Variants in FAT3 observed in about 807,000 individuals in gnomAD.
FAT3 encodes protocadherin Fat 3.
Under a neutral mutation model 310.2 loss-of-function variants are expected in FAT3, and 95 were observed. That is an observed-to-expected ratio of 0.31 (90% CI 0.26 to 0.36). FAT3 has a LOEUF of 0.36. Ranked by LOEUF, FAT3 falls within the 10% of genes least tolerant of loss-of-function variation. The probability of loss-of-function intolerance (pLI) is 1.00; values close to 1 mark genes in which losing one functional copy is unlikely to be tolerated. For synonymous variants in FAT3, 2,314 were observed against 2,192.9 expected (o/e 1.06, Z -1.54); for missense variants, 5,408 against 5,715.6 (o/e 0.95, Z 1.74).
At chr11:92,455,452 G>A in intron 2 of FAT3, among the ~76,000 whole-genome samples, 1 of 152,090 alleles carries the variant, frequency 6.6e-6, no homozygotes, top group Non-Finnish European at 1.5e-5. Context: ...TTAATTCATG[G>A]GCTGATGTTT....
intron 1 of FAT3, among the ~76,000 whole-genome samples, chr11:92,315,112 GA>G (rs1421788361): frequency 1.3e-5 from 2 of 151,654 alleles, no homozygotes; most frequent in Non-Finnish European, 2.9e-5. Flanking sequence ...TTGGCAAGGA[GA>G]ATAAAAATGA....
intron 2 of FAT3, among the ~76,000 whole-genome samples, chr11:92,438,882 T>G (rs1951006701): frequency 6.6e-6 from 1 of 152,232 alleles, no homozygotes; most frequent in African/African-American, 2.4e-5. Context: ...TGTAGGCTTC[T>G]ACTGTGCACC....
At chr11:92,359,076 C>A (rs973568519) in intron 2 of FAT3, among the ~76,000 whole-genome samples, 1 of 152,084 alleles carries the variant, frequency 6.6e-6, no homozygotes, top group Admixed American at 6.6e-5. Flanking sequence ...AGGCCAAATT[C>A]CCAATTATCG....
At chr11:92,259,218 C>A (rs146110592) in intron 1 of FAT3, among the ~76,000 whole-genome samples, 6 of 152,150 alleles carry the variant, frequency 3.9e-5, no homozygotes, top group African/African-American at 1.4e-4. Flanking sequence ...TGAAATGGTT[C>A]AAGCAGTTCT....
chr11:92,468,486 ATTC>A (rs1951828525), intron 2 of FAT3, among the ~76,000 whole-genome samples: 1 of 152,034 alleles, frequency 6.6e-6, no homozygotes, highest in East Asian at 1.9e-4. Flanking sequence ...GTGTAGTGTA[ATTC>A]TTCTTTTTTC....
intron 3 of FAT3, among the ~76,000 whole-genome samples, chr11:92,688,550 A>G (rs1012892700): frequency 6.6e-6 from 1 of 152,104 alleles, no homozygotes; most frequent in Non-Finnish European, 1.5e-5. Flanking sequence ...GCTCCACCAC[A>G]TACCAAATAA....
intron 14 of FAT3, among the ~76,000 whole-genome samples, chr11:92,832,829 A>G (rs1948303281): frequency 6.6e-6 from 1 of 152,144 alleles, no homozygotes. Flanking sequence ...GACACTGATA[A>G]GTGATCTGCA....
At position 92,325,195 on chromosome 11, in the gene FAT3, C is replaced by T. The variant is rs1212436358; in HGVS notation, c.-17-26901C>T. ...TGATCCTTTCTGATTTGCCTGCCAG[C>T]CTTGACAGCTCCAAACAGTTGGTGG... On this transcript the variant is annotated intron_variant, in intron 1 of 27. Transcript: ENST00000525166. 8.5e-5 allele frequency among the ~76,000 whole-genome samples: 13 copies of T among 152,284 alleles called. No individual in the cohort carries two copies. In the East Asian group the frequency reaches 2.5e-3, roughly 29 times the overall value.
intron 3 of FAT3, among the ~76,000 whole-genome samples, chr11:92,636,929 C>CT (rs1278669225): frequency 6.6e-6 from 1 of 152,154 alleles, no homozygotes; most frequent in Non-Finnish European, 1.5e-5. Context: ...CAGTGCTGGT[C>CT]TTACATAGCC....
intron 13 of FAT3, among the ~76,000 whole-genome samples, chr11:92,817,465 G>A (rs1034183726): frequency 2.0e-5 from 3 of 152,194 alleles, no homozygotes; most frequent in Non-Finnish European, 4.4e-5. Context: ...GTTTTGCCCC[G>A]AGTGTGTATC....
chr11:92,312,061 C>T (rs2134458184), intron 1 of FAT3, among the ~76,000 whole-genome samples: 1 of 152,228 alleles, frequency 6.6e-6, no homozygotes, highest in African/African-American at 2.4e-5. Context: ...AACTTTGTTA[C>T]TTAAAATGTC....
In FAT3 at chr11:92,275,179, A is replaced by G. The variant is rs117182880; in HGVS notation, c.-18+50005A>G. Among the ~76,000 whole-genome samples the G allele has an allele frequency of 6.8e-4, 103 of 152,218 alleles. 1 individual carries two copies. The East Asian group carries it at 0.018, about 26-fold the overall frequency. On this transcript the variant is annotated intron_variant, in intron 1 of 27. Coordinates refer to ENST00000525166, the MANE Select transcript of FAT3 (RefSeq NM_001367949.2). ...CATCCATCTCTTTGTCACGGGTGCC[A>G]TAATCCTAGGCCAGACCCTCATCTT...
At chr11:92,270,681 C>T (rs538169777) in intron 1 of FAT3, among the ~76,000 whole-genome samples, 98 of 152,090 alleles carry the variant, frequency 6.4e-4, no homozygotes, top group Non-Finnish European at 1.0e-3. Flanking sequence ...AGCAAAACTT[C>T]ACCTCAATAA....
chr11:92,851,834 A>G (rs998266574), intron 19 of FAT3, among the ~76,000 whole-genome samples: 1 of 152,210 alleles, frequency 6.6e-6, no homozygotes, highest in Non-Finnish European at 1.5e-5. Context: ...ACTTTCTCCC[A>G]GAAGCCAGCA....
chr11:92,648,594 A>G lies in FAT3; in HGVS notation c.3608-48790A>G, dbSNP rs185540095. On this transcript the variant is annotated intron_variant, in intron 3 of 27. Coordinates refer to ENST00000525166, the MANE Select transcript of FAT3 (RefSeq NM_001367949.2). ...TCCAGAGCTCCTCCTGGATCCACTA[A>G]TGCCTTCTGTCATTCGTTTTCTGCC... is the stretch of plus-strand genomic sequence containing the variant. Among the ~76,000 whole-genome samples the G allele has an allele frequency of 4.6e-5, 7 of 152,204 alleles. No homozygotes were observed. The East Asian group carries it at 1.4e-3, about 29-fold the overall frequency.
rs184051722 is a variant in FAT3, at chr11:92,421,205, C to T, written c.3292+65801C>T. ...TTTTAATGTTGTAACTTGACTATCACTTGAATGTCACTTCGAATTTAACTC... is the reference window on the plus strand; with the variant it reads ...TTTTAATGTTGTAACTTGACTATCATTTGAATGTCACTTCGAATTTAACTC... On this transcript the variant is annotated intron_variant, in intron 2 of 27. Coordinates refer to ENST00000525166, the MANE Select transcript of FAT3 (RefSeq NM_001367949.2). 1.2e-4 allele frequency among the ~76,000 whole-genome samples: 19 copies of T among 152,288 alleles called. 1 individual carries two copies. The East Asian group carries it at 3.7e-3, about 29-fold the overall frequency.
chr11:92,582,681 G>T (rs978248153), intron 3 of FAT3, among the ~76,000 whole-genome samples: 12 of 152,030 alleles, frequency 7.9e-5, no homozygotes, highest in Admixed American at 4.6e-4. Flanking sequence ...CTGGCTTGGT[G>T]AATGTGAAGT....
At chr11:92,635,614 T>G (rs921945740) in intron 3 of FAT3, among the ~76,000 whole-genome samples, 2 of 152,206 alleles carry the variant, frequency 1.3e-5, no homozygotes, top group African/African-American at 4.8e-5. Context: ...AGCCATTTGT[T>G]CAACAGTTAA....
Position 92,894,941 on chromosome 11 carries a change from A to G in FAT3, c.*3828A>G, listed in dbSNP as rs537894153. On this transcript the variant is annotated 3_prime_UTR_variant, in exon 28 of 28. Coordinates refer to ENST00000525166, the MANE Select transcript of FAT3 (RefSeq NM_001367949.2). ...TCCTACTTACTTCCCACCCCACCCTATCCACTACCCCCACTGATGCTATGT... is the reference window on the plus strand; with the variant it reads ...TCCTACTTACTTCCCACCCCACCCTGTCCACTACCCCCACTGATGCTATGT... 1 of 152,148 alleles carries G rather than the reference A, an allele frequency of 6.6e-6. No individual in the cohort carries two copies. The highest frequency in any genetic ancestry group is 2.1e-4 in the South Asian group (1 of 4,822). 9.4% of individuals were successfully genotyped at this position (152,148 alleles called of 1,614,324 possible).
Sources: allele counts gnomAD v4.1 joint callset (sites outside exome capture counted in the v4.1 genomes callset), GRCh38; gene constraint gnomAD v4.1.1; transcripts MANE v1.5; gene names NCBI Gene and HGNC (gene_info 2026-07-23, HGNC 2026-07-21).